ADARB2: variants seen among roughly 807,000 people sequenced by gnomAD.
ADARB2 encodes adenosine deaminase RNA specific B2 (inactive).
In ADARB2, 25 loss-of-function variants were observed where a neutral mutation model predicts 62.2. The observed-to-expected ratio is 0.40, with a 90% CI of 0.29 to 0.56. The LOEUF (loss-of-function observed/expected upper bound fraction) is 0.56. ADARB2 is among the 20% of genes least tolerant of loss of function. The pLI is 0.43. For synonymous variants in ADARB2, 572 were observed against 500.8 expected, an observed-to-expected ratio of 1.14 and a Z score of -1.90; for missense variants, 1,071 against 1,077.4, an observed-to-expected ratio of 0.99 and a Z score of 0.08.
intron 1 of ADARB2, among the ~76,000 whole-genome samples, chr10:1,411,846 T>C (rs1832762625): frequency 6.6e-6 from 1 of 152,234 alleles, no homozygotes; most frequent in African/African-American, 2.4e-5. Flanking sequence ...GCAAAAGCTA[T>C]TTTGTTTCTC....
chr10:1,209,590 C>T (rs1193878633), intron 7 of ADARB2, among the ~76,000 whole-genome samples: 1 of 148,976 alleles, frequency 6.7e-6, no homozygotes, highest in Non-Finnish European at 1.5e-5. Flanking sequence ...CTCTCACCAT[C>T]ACCCACACCC....
At chr10:1,711,893 TAC>T (rs970362680) in intron 1 of ADARB2, among the ~76,000 whole-genome samples, 13 of 152,302 alleles carry the variant, frequency 8.5e-5, no homozygotes, top group Admixed American at 7.2e-4. Flanking sequence ...TAGAATTTCA[TAC>T]AACTCTGAAC....
chr10:1,567,377 G>T (rs1032014474), intron 1 of ADARB2, among the ~76,000 whole-genome samples: 13 of 152,324 alleles, frequency 8.5e-5, no homozygotes, highest in Middle Eastern at 3.4e-3. Flanking sequence ...GATGGGTGGT[G>T]CCTGGATGTG....
intron 1 of ADARB2, among the ~76,000 whole-genome samples, chr10:1,635,468 C>A (rs574648374): frequency 6.6e-6 from 1 of 152,290 alleles, no homozygotes; most frequent in African/African-American, 2.4e-5. Context: ...GTCAAATTTT[C>A]CCTTGGAGAA....
chr10:1,643,157 G>A (rs1833999200), intron 1 of ADARB2, among the ~76,000 whole-genome samples: 1 of 152,194 alleles, frequency 6.6e-6, no homozygotes, highest in Non-Finnish European at 1.5e-5. Context: ...ATCTCTAATG[G>A]ACTCTACTCT....
chr10:1,545,559 C>T (rs1375987553), intron 1 of ADARB2, among the ~76,000 whole-genome samples: 1 of 152,186 alleles, frequency 6.6e-6, no homozygotes, highest in African/African-American at 2.4e-5. Context: ...TCCTCCCCTT[C>T]CTCCCCTTCC....
chr10:1,609,027 A>C (rs983615021), intron 1 of ADARB2, among the ~76,000 whole-genome samples: 1 of 152,134 alleles, frequency 6.6e-6, no homozygotes, highest in African/African-American at 2.4e-5. Flanking sequence ...AGAAGGCTAG[A>C]AAGAAGGACC....
chr10:1,530,122 G>A (rs547118947), intron 1 of ADARB2, among the ~76,000 whole-genome samples: 7 of 152,224 alleles, frequency 4.6e-5, no homozygotes, highest in Middle Eastern at 6.8e-3. Context: ...CCCACCCACT[G>A]CTCCTGCCAC....
intron 1 of ADARB2, among the ~76,000 whole-genome samples, chr10:1,449,533 G>T (rs1284198980): frequency 1.3e-5 from 2 of 152,186 alleles, no homozygotes; most frequent in African/African-American, 2.4e-5. Context: ...CTCTGCACTA[G>T]CACATCAGAT....
intron 3 of ADARB2, among the ~76,000 whole-genome samples, chr10:1,294,994 C>G (rs2131813760): frequency 6.6e-6 from 1 of 152,342 alleles, no homozygotes; most frequent in African/African-American, 2.4e-5. Flanking sequence ...TGCGGAGTCA[C>G]TGGCAGCAGG....
In ADARB2 at chr10:1,446,066, AGG is replaced by A. The variant is rs56029991; in HGVS notation, c.101-66908_101-66907del. ...CACTGTAGGACGAGGAATGGAAGGG[AGG>A]GGGTGAAGGAAACATGAGGTCATTA... On this transcript the variant is annotated intron_variant, in intron 1 of 9. Transcript: ENST00000381312. Among the ~76,000 whole-genome samples, 394 of 152,094 alleles carry A rather than the reference AGG, an allele frequency of 2.6e-3. 3 individuals carry two copies. Among genetic ancestry groups the A allele is most frequent in the Middle Eastern group, 0.024 (7 of 294 alleles).
At chr10:1,414,839 C>A (rs942531660) in intron 1 of ADARB2, among the ~76,000 whole-genome samples, 1 of 152,200 alleles carries the variant, frequency 6.6e-6, no homozygotes, top group East Asian at 1.9e-4. Flanking sequence ...GATAGAGAGA[C>A]AGCTGGCTAG....
intron 1 of ADARB2, among the ~76,000 whole-genome samples, chr10:1,568,421 TC>T (rs1300540257): frequency 6.6e-6 from 1 of 152,046 alleles, no homozygotes; most frequent in African/African-American, 2.4e-5. Flanking sequence ...AGACACTGGC[TC>T]CCCGCAACCA....
At chr10:1,637,525 T>G (rs1013863776) in intron 1 of ADARB2, among the ~76,000 whole-genome samples, 7 of 152,170 alleles carry the variant, frequency 4.6e-5, no homozygotes, top group African/African-American at 1.7e-4. Context: ...GGTGTTGAGG[T>G]TTTCAAATAA....
intron 3 of ADARB2, among the ~76,000 whole-genome samples, chr10:1,280,341 G>A (rs1049101823): frequency 6.6e-6 from 1 of 152,168 alleles, no homozygotes; most frequent in African/African-American, 2.4e-5. Context: ...TAGCCTGGTG[G>A]GTACACCTTA....
At chr10:1,607,163 T>G (rs1833504604) in intron 1 of ADARB2, among the ~76,000 whole-genome samples, 1 of 152,224 alleles carries the variant, frequency 6.6e-6, no homozygotes, top group African/African-American at 2.4e-5. Flanking sequence ...AATGAAACTT[T>G]GAATTTTCTT....
At chr10:1,378,929 A>G in intron 2 of ADARB2, 145 bp downstream of exon 2, 1 of 656,878 alleles carries the variant, frequency 1.5e-6, no homozygotes, top group South Asian at 1.9e-5. Flanking sequence ...CTGTGGAGGA[A>G]TGAGAGCAGA....
rs1232146590 is a variant in ADARB2 at position 1,439,108 on chromosome 10, C to A, written c.101-59948G>T. Among the ~76,000 whole-genome samples, 4 of 133,916 alleles carry A rather than the reference C, an allele frequency of 3.0e-5. No individual in the cohort carries two copies. The East Asian group carries it at 9.0e-4, about 30-fold the overall frequency. The allele number at this position is 133,916 out of a possible 152,430, so 87.9% of individuals were successfully genotyped here. A position where few individuals can be genotyped will look rare whatever the true frequency, so the allele number is the denominator to read the frequency against. On this transcript the variant is annotated intron_variant, in intron 1 of 9. Coordinates refer to ENST00000381312, the MANE Select transcript of ADARB2 (RefSeq NM_018702.4). Reference sequence around the variant, plus strand: ...ATCTCCTCAGCAGATGGAGGCAGGTCCTTCACTACGGGGCTTCTGAGTCTC... The same window carrying A: ...ATCTCCTCAGCAGATGGAGGCAGGTACTTCACTACGGGGCTTCTGAGTCTC...
At chr10:1,604,811 A>G (rs1478659421) in intron 1 of ADARB2, among the ~76,000 whole-genome samples, 2 of 152,200 alleles carry the variant, frequency 1.3e-5, no homozygotes, top group African/African-American at 4.8e-5. Context: ...TCTAGATTCA[A>G]GGGGCACCCA....
Sources: gnomAD v4.1 joint callset for allele counts (sites outside exome capture counted in the v4.1 genomes callset) on GRCh38, gnomAD v4.1.1 for gene constraint, MANE v1.5 for transcripts, NCBI Gene and HGNC (gene_info 2026-07-23, HGNC 2026-07-21) for gene names.